The following SULF1 variants were observed in gnomAD, a reference collection of about 807,000 sequenced individuals.
SULF1 encodes the protein sulfatase 1, also known as extracellular sulfatase Sulf-1.
Under a neutral mutation model 110.5 loss-of-function variants are expected in SULF1, and 46 were observed. The ratio of observed to expected loss-of-function variants is 0.42; its 90% CI spans 0.33 to 0.53. The LOEUF (loss-of-function observed/expected upper bound fraction) is 0.53, where lower values mean the gene tolerates loss of function less well. Ranked by LOEUF, SULF1 falls within the 20% of genes least tolerant of loss-of-function variation. SULF1 has a pLI of 0.12. For synonymous variants in SULF1, 371 were observed against 387.1 expected (o/e 0.96, Z 0.49); for missense variants, 941 against 1,094.2 (o/e 0.86, Z 1.98).
intron 3 of SULF1, among the ~76,000 whole-genome samples, chr8:69,523,441 G>A (rs893243527): frequency 2.6e-5 from 4 of 152,198 alleles, no homozygotes; most frequent in East Asian, 1.9e-4. Flanking sequence ...GTATGTTTGC[G>A]AGGCAGTATT....
At chr8:69,638,444 C>G in intron 19 of SULF1, 58 bp from the exon 20 acceptor site, 1 of 1,573,326 alleles carries the variant, frequency 6.4e-7, no homozygotes, top group Non-Finnish European at 8.6e-7. Context: ...GAATGGCAAG[C>G]CTGCCTAAGG....
chr8:69,648,242 A>G (rs1044203487), intron 22 of SULF1, among the ~76,000 whole-genome samples: 47 of 152,092 alleles, frequency 3.1e-4, no homozygotes, highest in Admixed American at 2.5e-3. Flanking sequence ...CCCATTGTGA[A>G]GTTTAAATTA....
intron 3 of SULF1, among the ~76,000 whole-genome samples, chr8:69,514,480 T>A (rs1205451083): frequency 6.6e-6 from 1 of 152,194 alleles, no homozygotes; most frequent in African/African-American, 2.4e-5. Context: ...GGATCACAGT[T>A]CAATATGAGA....
rs372074006 is a variant in SULF1, at chr8:69,659,477, G to C, written c.*942G>C. ...GCATGTGAGCAAGCGGTGTGCACAC[G>C]GAGACTCATCGTTATAATTTACTAT... On this transcript the variant is annotated 3_prime_UTR_variant, in exon 23 of 23. Transcript: ENST00000402687. 3.5e-6 allele frequency: 1 copy of C among 283,376 alleles called. No homozygotes were observed. Among genetic ancestry groups the C allele is most frequent in the Non-Finnish European group, 6.9e-6 (1 of 145,534 alleles). The allele number at this position is 283,376 out of a possible 1,614,324, so 17.6% of individuals were successfully genotyped here.
chr8:69,546,261 A>G (rs1463568820), intron 3 of SULF1, among the ~76,000 whole-genome samples: 1 of 152,260 alleles, frequency 6.6e-6, no homozygotes, highest in African/African-American at 2.4e-5. Context: ...GGTAACAGAA[A>G]TGAGATGAGT....
At chr8:69,539,237 CTGAT>C (rs1292332152) in intron 3 of SULF1, among the ~76,000 whole-genome samples, 4 of 152,060 alleles carry the variant, frequency 2.6e-5, no homozygotes, top group African/African-American at 9.7e-5. Context: ...GGCTTTTAGA[CTGAT>C]TGGGAATAAA....
intron 3 of SULF1, among the ~76,000 whole-genome samples, chr8:69,543,521 G>A (rs1202864802): frequency 1.3e-5 from 2 of 152,112 alleles, no homozygotes; most frequent in African/African-American, 2.4e-5. Context: ...ATGGTTTCCA[G>A]CTTCATCCAT....
chr8:69,512,045 A>G (rs1041692070), intron 3 of SULF1, among the ~76,000 whole-genome samples: 3 of 152,200 alleles, frequency 2.0e-5, no homozygotes, highest in Non-Finnish European at 4.4e-5. Context: ...CCTAAGTATT[A>G]TGGAGATGTT....
At chr8:69,526,814 G>GAAGGAAGGAAGGAAGA (rs1165976833) in intron 3 of SULF1, among the ~76,000 whole-genome samples, 3 of 143,598 alleles carry the variant, frequency 2.1e-5, no homozygotes, top group Non-Finnish European at 4.5e-5. Context: ...AGGAAGGAAG[G>GAAGGAAGGAAGGAAGA]AAGGAAGGAA....
At chr8:69,514,169 T>A (rs1215991294) in intron 3 of SULF1, among the ~76,000 whole-genome samples, 1 of 152,214 alleles carries the variant, frequency 6.6e-6, no homozygotes, top group Non-Finnish European at 1.5e-5. Context: ...ATTCTCACAT[T>A]GCTATAAAGA....
At chr8:69,503,310 G>T (rs1456156941) in intron 3 of SULF1, among the ~76,000 whole-genome samples, 1 of 152,078 alleles carries the variant, frequency 6.6e-6, no homozygotes, top group African/African-American at 2.4e-5. Context: ...GATGGCATGG[G>T]GTATTAACCC....
chr8:69,544,338 G>A (rs1266718494), intron 3 of SULF1, among the ~76,000 whole-genome samples: 2 of 151,434 alleles, frequency 1.3e-5, no homozygotes, highest in Admixed American at 6.6e-5. Context: ...CCACGATCTC[G>A]GCTCACTACA....
At chr8:69,524,115 C>A (rs1424580062) in intron 3 of SULF1, among the ~76,000 whole-genome samples, 1 of 151,528 alleles carries the variant, frequency 6.6e-6, no homozygotes, top group African/African-American at 2.4e-5. Flanking sequence ...GATAAGAAAG[C>A]TAAGAGATTT....
intron 5 of SULF1, among the ~76,000 whole-genome samples, chr8:69,567,109 A>AT (rs1416661262): frequency 1.3e-5 from 2 of 152,140 alleles, no homozygotes; most frequent in Admixed American, 6.5e-5. Flanking sequence ...AATTCATAAT[A>AT]TTTTAGGTTC....
chr8:69,561,910 CCAAA>C (rs1242053629), intron 3 of SULF1, among the ~76,000 whole-genome samples: 17 of 152,326 alleles, frequency 1.1e-4, no homozygotes, highest in African/African-American at 3.4e-4. Flanking sequence ...TGCACAGAAA[CCAAA>C]CAGTCAGTGC....
At chr8:69,601,939 A>T (rs1807849259) in intron 10 of SULF1, 110 bp downstream of exon 10, 1 of 1,191,032 alleles carries the variant, frequency 8.4e-7, no homozygotes, top group South Asian at 1.6e-5. Context: ...ACAAAAAAGG[A>T]TGTGTGTAGG....
intron 3 of SULF1, among the ~76,000 whole-genome samples, chr8:69,519,674 G>C (rs145251378): frequency 6.6e-6 from 1 of 152,158 alleles, no homozygotes; most frequent in African/African-American, 2.4e-5. Context: ...TTGACAAATA[G>C]AGTATCTACC....
chr8:69,468,363 G>T (rs1808944061), intron 1 of SULF1, among the ~76,000 whole-genome samples: 1 of 152,116 alleles, frequency 6.6e-6, no homozygotes, highest in African/African-American at 2.4e-5. Flanking sequence ...GTTTCAAGTT[G>T]CATTATACAT....
rs953430096 is a variant in SULF1 at position 69,581,995 on chromosome 8, A to G, written c.413-4362A>G. Among the ~76,000 whole-genome samples the G allele has an allele frequency of 1.1e-4, 16 of 152,322 alleles. No individual in the cohort carries two copies. The Middle Eastern group carries it at 0.01, about 97-fold the overall frequency. On this transcript the variant is annotated intron_variant, in intron 6 of 22. Transcript: ENST00000402687. The stretch of plus-strand genomic sequence containing the variant: ...ACCAAAAACCTGGAGGGAGTTCTGA[A>G]GCAAATAACAAGGACTATTAAAAGA...
Sources: gnomAD v4.1 joint callset for allele counts (sites outside exome capture counted in the v4.1 genomes callset) on GRCh38, gnomAD v4.1.1 for gene constraint, MANE v1.5 for transcripts, NCBI Gene and HGNC (gene_info 2026-07-23, HGNC 2026-07-21) for gene names.